The following CDH13 variants were observed in gnomAD, a reference collection of about 807,000 sequenced individuals.
CDH13 encodes cadherin-13.
CDH13 carries 24 observed loss-of-function variants against 63.8 expected under a neutral mutation model. The ratio of observed to expected loss-of-function variants is 0.38; its 90% CI spans 0.27 to 0.53. The LOEUF is 0.53. CDH13 is among the 20% of genes least tolerant of loss of function. The pLI, the probability that CDH13 is intolerant of heterozygous loss-of-function variation, is 0.85. For missense variants in CDH13, 1,049 were observed against 903.1 expected (o/e 1.16, Z -2.07); for synonymous variants, 503 against 355.3 (o/e 1.42, Z -4.67).
intron 1 of CDH13, among the ~76,000 whole-genome samples, chr16:82,684,132 T>G (rs1914828931): frequency 1.3e-5 from 2 of 152,200 alleles, no homozygotes; most frequent in South Asian, 2.1e-4. Flanking sequence ...TCAATCGTAT[T>G]TGGGGAAAAT....
In CDH13 at chr16:83,780,493, G is replaced by A. The variant is rs116465302; in HGVS notation, c.1915+292G>A. 8.1e-3 allele frequency among the ~76,000 whole-genome samples: 1,230 copies of A among 152,232 alleles called. 26 individuals carry two copies. Among genetic ancestry groups the A allele is most frequent in the African/African-American group, 0.029 (1,186 of 41,532 alleles). On this transcript the variant is annotated intron_variant, in intron 12 of 13. Transcript: ENST00000567109. The stretch of plus-strand genomic sequence containing the variant: ...ACCTGTCTGCTACATACACTATTTA[G>A]TATAACTCCAATATTCTATCTTTAA...
chr16:82,784,921 G>C (rs999780468), intron 1 of CDH13, among the ~76,000 whole-genome samples: 1 of 152,216 alleles, frequency 6.6e-6, no homozygotes, highest in African/African-American at 2.4e-5. Context: ...GAAGAGGCCA[G>C]AGAGCGCCTT....
At chr16:83,240,851 T>C (rs1396428528) in intron 5 of CDH13, among the ~76,000 whole-genome samples, 1 of 150,790 alleles carries the variant, frequency 6.6e-6, no homozygotes, top group Non-Finnish European at 1.5e-5. Context: ...TGTGGACCTC[T>C]GTGCCTAGCT....
At chr16:82,906,419 G>A (rs1317557255) in intron 2 of CDH13, among the ~76,000 whole-genome samples, 3 of 152,118 alleles carry the variant, frequency 2.0e-5, no homozygotes, top group Non-Finnish European at 4.4e-5. Flanking sequence ...ACCCCTTGAA[G>A]CAATCATGAA....
chr16:82,871,817 C>G (rs908082491), intron 2 of CDH13, among the ~76,000 whole-genome samples: 3 of 152,154 alleles, frequency 2.0e-5, no homozygotes, highest in African/African-American at 4.8e-5. Flanking sequence ...TAATATTGAT[C>G]TCAATCTTCA....
At chr16:83,399,038 C>A (rs1489690064) in intron 6 of CDH13, among the ~76,000 whole-genome samples, 2 of 152,150 alleles carry the variant, frequency 1.3e-5, no homozygotes, top group African/African-American at 4.8e-5. Flanking sequence ...AGCCATAGAC[C>A]ATTCAAATGC....
intron 5 of CDH13, among the ~76,000 whole-genome samples, chr16:83,281,186 A>G (rs2151856324): frequency 6.6e-6 from 1 of 152,352 alleles, no homozygotes. Context: ...TTCATCAACG[A>G]TCTTAGCTGG....
chr16:83,070,427 G>T (rs990246900), intron 3 of CDH13, among the ~76,000 whole-genome samples: 1 of 152,138 alleles, frequency 6.6e-6, no homozygotes, highest in African/African-American at 2.4e-5. Flanking sequence ...TAAAGAATAA[G>T]TTAAGATACA....
At chr16:83,199,563 G>A (rs777864664) in intron 4 of CDH13, among the ~76,000 whole-genome samples, 9 of 152,208 alleles carry the variant, frequency 5.9e-5, no homozygotes, top group Non-Finnish European at 8.8e-5. Context: ...AGCACAGTAC[G>A]TGGCCTGCAC....
intron 6 of CDH13, among the ~76,000 whole-genome samples, chr16:83,482,664 A>G (rs1234991324): frequency 6.6e-6 from 1 of 152,214 alleles, no homozygotes; most frequent in East Asian, 1.9e-4. Flanking sequence ...TGCACTCAGC[A>G]GATAGGTTGG....
At chr16:83,071,493 T>C (rs575739619) in intron 3 of CDH13, among the ~76,000 whole-genome samples, 2 of 152,188 alleles carry the variant, frequency 1.3e-5, no homozygotes, top group Non-Finnish European at 2.9e-5. Flanking sequence ...CCCTTTGCTC[T>C]CTGAGCAGGA....
intron 10 of CDH13, among the ~76,000 whole-genome samples, chr16:83,731,574 G>C (rs950693424): frequency 3.9e-5 from 6 of 152,216 alleles, no homozygotes; most frequent in Admixed American, 3.9e-4. Context: ...TTTGTTGGAA[G>C]CATAATTTGT....
intron 2 of CDH13, among the ~76,000 whole-genome samples, chr16:82,969,980 C>G (rs905020522): frequency 2.6e-5 from 4 of 151,616 alleles, no homozygotes; most frequent in Non-Finnish European, 5.9e-5. Context: ...GGTACGTGTG[C>G]AGAACTTGTA....
At chr16:83,242,567 G>A (rs1371778970) in intron 5 of CDH13, among the ~76,000 whole-genome samples, 1 of 152,164 alleles carries the variant, frequency 6.6e-6, no homozygotes, top group Non-Finnish European at 1.5e-5. Context: ...ACAGGTCCAG[G>A]CAGAGTGAGC....
chr16:83,284,124 G>T (rs9332462), intron 5 of CDH13, among the ~76,000 whole-genome samples: 1 of 151,842 alleles, frequency 6.6e-6, no homozygotes, highest in Non-Finnish European at 1.5e-5. Flanking sequence ...AACTCATCCC[G>T]CAGTTTTCAA....
In CDH13 at chr16:83,293,596, A is replaced by G. The variant is rs369259102; in HGVS notation, c.637-51266A>G. ...ATTTCTATCTCAGGGATAGTATTTT[A>G]CTAATCAAATACATAACAGATATAT... is the stretch of plus-strand genomic sequence containing the variant. On this transcript the variant is annotated intron_variant, in intron 5 of 13. Transcript: ENST00000567109. 4.6e-5 allele frequency among the ~76,000 whole-genome samples: 7 copies of G among 152,346 alleles called. No individual in the cohort carries two copies. The South Asian group carries it at 6.2e-4, about 14-fold the overall frequency.
chr16:83,409,275 A>G (rs780697500), intron 6 of CDH13, among the ~76,000 whole-genome samples: 4 of 151,498 alleles, frequency 2.6e-5, no homozygotes, highest in Non-Finnish European at 5.9e-5. Flanking sequence ...TGCCAATCCC[A>G]TTCTTGACTG....
intron 5 of CDH13, among the ~76,000 whole-genome samples, chr16:83,310,050 T>C (rs907759116): frequency 1.3e-5 from 2 of 152,198 alleles, no homozygotes; most frequent in Admixed American, 1.3e-4. Flanking sequence ...TAATTAATAA[T>C]TCCGACATAC....
At chr16:83,502,063 A>T (rs915545988) in intron 7 of CDH13, among the ~76,000 whole-genome samples, 1 of 152,208 alleles carries the variant, frequency 6.6e-6, no homozygotes, top group Non-Finnish European at 1.5e-5. Flanking sequence ...TGGCTGTAAA[A>T]TGGAACTCAT....
Sources: gnomAD v4.1 joint callset for allele counts (sites outside exome capture counted in the v4.1 genomes callset) on GRCh38, gnomAD v4.1.1 for gene constraint, MANE v1.5 for transcripts, NCBI Gene and HGNC (gene_info 2026-07-23, HGNC 2026-07-21) for gene names.